The following FRMPD1 variants were observed in gnomAD, a reference collection of about 807,000 sequenced individuals.
FRMPD1 encodes FERM and PDZ domain-containing protein 1.
Under a neutral mutation model 117.8 loss-of-function variants are expected in FRMPD1, and 76 were observed. The observed-to-expected ratio is 0.65, with a 90% CI of 0.54 to 0.78. The LOEUF (loss-of-function observed/expected upper bound fraction) is 0.78. FRMPD1 is among the 30% of genes least tolerant of loss of function. FRMPD1 has a pLI of 0.00. For missense variants in FRMPD1, 1,786 were observed against 1,964.5 expected (o/e 0.91, Z 1.72); for synonymous variants, 783 against 770.4 (o/e 1.02, Z -0.27).
At chr9:37,725,366 A>G (rs1053114853) in intron 7 of FRMPD1, among the ~76,000 whole-genome samples, 9 of 152,236 alleles carry the variant, frequency 5.9e-5, no homozygotes, top group African/African-American at 2.2e-4. Context: ...GAGCAGGTTC[A>G]GGAGGGCCAA....
rs749464327 is a variant in FRMPD1, at chr9:37,733,523, T to G, written c.1046T>G (p.Met349Arg). ...NFISPTLLRN[M>R]KGKDIKKAIS... is the part of the protein sequence containing the mutation. ...ATATCTCCAACTTTACTCCGAAACA[T>G]GAAAGGCAAAGACATCAAGAAAGCC... The change falls in exon 11 of 16, where the codon ATG (methionine) becomes AGG (arginine). Residue 349 changes from methionine (M) to arginine (R), a missense_variant. Coordinates refer to ENST00000377765, the MANE Select transcript of FRMPD1 (RefSeq NM_014907.3). 34 of 1,613,594 alleles carry G rather than the reference T, an allele frequency of 2.1e-5. No homozygotes were observed. Among genetic ancestry groups the G allele is most frequent in the Non-Finnish European group, 2.7e-5 (32 of 1,179,730 alleles).
At chr9:37,646,603 C>T (rs543951785), upstream of FRMPD1, among the ~76,000 whole-genome samples, 7 of 152,264 alleles carry the variant, frequency 4.6e-5, no homozygotes, top group Admixed American at 1.3e-4. Context: ...TTTCTAACAT[C>T]GAAAACACTT....
chr9:37,621,882 T>C, the FRMPD1 span, among the ~76,000 whole-genome samples: 2 of 152,154 alleles, frequency 1.3e-5, no homozygotes, highest in African/African-American at 4.8e-5. Context: ...AGGATGCTTT[T>C]GCTCAGGTTA....
chr9:37,639,346 C>T, the FRMPD1 span, among the ~76,000 whole-genome samples: 1 of 152,132 alleles, frequency 6.6e-6, no homozygotes, highest in Admixed American at 6.5e-5. Flanking sequence ...GTAGTTTGCA[C>T]ATGTCCAGTA....
In FRMPD1 at chr9:37,707,423, G is replaced by A. The variant is rs375020833; in HGVS notation, c.109G>A (p.Val37Ile). Reference sequence around the variant, plus strand: ...ATACTCCTTCTCTTCCAGGGCTAAAGTTGCTGCAGCTGATGGGCCCGCCAG... The same window carrying A: ...ATACTCCTTCTCTTCCAGGGCTAAAATTGCTGCAGCTGATGGGCCCGCCAG... ...RSRDSSARAK[V>I]AAADGPARNP... Residue 37 changes from valine to isoleucine, a missense_variant, in exon 3 of 16, where the codon GTT becomes ATT. Val to Ile is a conservative substitution (Grantham distance 29, BLOSUM62 3). Coordinates refer to ENST00000377765, the MANE Select transcript of FRMPD1 (RefSeq NM_014907.3). 6.2e-7 allele frequency: 1 copy of A among 1,613,446 alleles called. No individual in the cohort carries two copies. The highest frequency in any genetic ancestry group is 1.3e-5 in the African/African-American group (1 of 74,978).
At chr9:37,724,609 C>T (rs1015603542) in intron 7 of FRMPD1, among the ~76,000 whole-genome samples, 1 of 152,192 alleles carries the variant, frequency 6.6e-6, no homozygotes, top group Admixed American at 6.5e-5. Context: ...AGCCTTCACC[C>T]ATAACCACCA....
At chr9:37,655,987 T>C (rs1271803898) in intron 1 of FRMPD1, among the ~76,000 whole-genome samples, 17 of 152,314 alleles carry the variant, frequency 1.1e-4, no homozygotes. Context: ...TGTTCCCTGA[T>C]ACTTGGTACC....
At chr9:37,650,171 G>C (rs1455670115), upstream of FRMPD1, among the ~76,000 whole-genome samples, 1 of 152,198 alleles carries the variant, frequency 6.6e-6, no homozygotes, top group Non-Finnish European at 1.5e-5. Context: ...GGACCTCGTA[G>C]GTGTTCAGTA....
At chr9:37,728,575 G>A (rs1287953099) in intron 7 of FRMPD1, among the ~76,000 whole-genome samples, 2 of 152,138 alleles carry the variant, frequency 1.3e-5, no homozygotes, top group Non-Finnish European at 2.9e-5. Context: ...ATGCCTCAGC[G>A]CAGCATTCAC....
chr9:37,695,936 G>A (rs1393094505), intron 2 of FRMPD1, among the ~76,000 whole-genome samples: 6 of 151,700 alleles, frequency 4.0e-5, no homozygotes, highest in African/African-American at 1.5e-4. Flanking sequence ...CCATTCAGTG[G>A]CTCACCTACC....
At chr9:37,615,101 TTTTC>T in the FRMPD1 span, among the ~76,000 whole-genome samples, 5 of 152,058 alleles carry the variant, frequency 3.3e-5, no homozygotes, top group Admixed American at 1.3e-4. Context: ...TTTTCTAGTC[TTTTC>T]TTTCTTTCTT....
intron 5 of FRMPD1, among the ~76,000 whole-genome samples, chr9:37,712,358 CTTT>C (rs1395740936): frequency 1.3e-5 from 2 of 152,078 alleles, no homozygotes; most frequent in Admixed American, 6.6e-5. Flanking sequence ...AACTGTACTT[CTTT>C]TATTTTTTCT....
In FRMPD1 at chr9:37,737,080, C is replaced by T. The variant is rs377084086; in HGVS notation, c.1402-16C>T. On this transcript the variant is annotated splice_polypyrimidine_tract_variant and intron_variant, in intron 13 of 15. Coordinates refer to ENST00000377765, the MANE Select transcript of FRMPD1 (RefSeq NM_014907.3). ...TTGGTCCTTGATAAACATGAGATTT[C>T]TATTTGCTTTCAAAGGTTCTGACTT... 1 of 1,605,322 alleles carries T rather than the reference C, an allele frequency of 6.2e-7. No homozygotes were observed. The highest frequency in any genetic ancestry group is 1.3e-5 in the African/African-American group (1 of 74,710).
chr9:37,729,667 G>T (rs1475602958), intron 7 of FRMPD1, 61 bp from the exon 8 acceptor site: 1 of 1,573,882 alleles, frequency 6.4e-7, no homozygotes. Context: ...GGAATGGCAG[G>T]AAGGCCAGGG....
At chr9:37,623,128 A>G in the FRMPD1 span, among the ~76,000 whole-genome samples, 2 of 152,254 alleles carry the variant, frequency 1.3e-5, no homozygotes, top group Admixed American at 6.5e-5. Flanking sequence ...GTCTGACCAC[A>G]TGGTAGACAC....
chr9:37,650,320 C>G (rs941514710), upstream of FRMPD1, among the ~76,000 whole-genome samples: 1 of 152,124 alleles, frequency 6.6e-6, no homozygotes, highest in African/African-American at 2.4e-5. Flanking sequence ...CCAGGGCGCT[C>G]CGGCATTTTA....
At position 37,746,603 on chromosome 9, in the gene FRMPD1, T is replaced by C. The variant is rs1824737092; in HGVS notation, c.4571T>C (p.Leu1524Pro). 1 of 1,613,922 alleles carries C rather than the reference T, an allele frequency of 6.2e-7. No individual in the cohort carries two copies. Among genetic ancestry groups the C allele is most frequent in the African/African-American group, 1.3e-5 (1 of 74,948 alleles). Reference protein sequence around the residue: ...SARHREAAGNLRDVVYTYHQF... With the variant: ...SARHREAAGNPRDVVYTYHQF... ...CGGCACAGGGAGGCAGCGGGGAACC[T>C]GAGGGATGTGGTGTACACCTACCAT... is the stretch of plus-strand genomic sequence containing the variant. Residue 1524 changes from leucine to proline, a missense_variant, in exon 16 of 16, where the codon CTG (leucine) becomes CCG (proline). Coordinates refer to ENST00000377765, the MANE Select transcript of FRMPD1 (RefSeq NM_014907.3).
rs779275445 is a variant in FRMPD1 at position 37,719,162 on chromosome 9, A to G, written c.502A>G (p.Ser168Gly). The G allele has an allele frequency of 5.4e-5, 86 of 1,605,392 alleles. No homozygotes were observed. The East Asian group carries it at 1.9e-3, about 35-fold the overall frequency. ...KVHFAEEVLI[S>G]GHSQGNSLLC... ...GCACTTTGCTGAAGAAGTGCTCATC[A>G]GTGGACACAGCCAGGTGTGTCACTA... Residue 168 changes from serine to glycine, a missense_variant, in exon 6 of 16, where the codon AGT becomes GGT. Ser to Gly is a moderately conservative substitution (Grantham distance 56). Transcript: ENST00000377765.
chr9:37,611,065 A>G, the FRMPD1 span, among the ~76,000 whole-genome samples: 36 of 152,344 alleles, frequency 2.4e-4, no homozygotes, highest in Admixed American at 1.3e-4. Context: ...TCACCCATGT[A>G]AAAATACGTT....
Sources: allele counts gnomAD v4.1 joint callset (sites outside exome capture counted in the v4.1 genomes callset), GRCh38; gene constraint gnomAD v4.1.1; transcripts MANE v1.5; gene names NCBI Gene and HGNC (gene_info 2026-07-23, HGNC 2026-07-21).